The following SLIT3 variants were observed in gnomAD, a reference collection of about 807,000 sequenced individuals.
The protein encoded by SLIT3 is slit homolog 3 protein.
SLIT3 carries 68 observed loss-of-function variants against 184.0 expected under a neutral mutation model. The observed-to-expected ratio is 0.37, with a 90% CI of 0.30 to 0.45. The LOEUF (loss-of-function observed/expected upper bound fraction) is 0.45. Among genes scored for constraint, SLIT3 ranks in the 20% least tolerant of loss-of-function variants. SLIT3 has a pLI of 1.00. For synonymous variants in SLIT3, 831 were observed against 828.6 expected, an observed-to-expected ratio of 1.00 and a Z score of -0.05; for missense variants, 1,707 against 2,026.0, an observed-to-expected ratio of 0.84 and a Z score of 3.02.
At chr5:169,201,362 T>C (rs1763899164) in intron 3 of SLIT3, among the ~76,000 whole-genome samples, 1 of 152,198 alleles carries the variant, frequency 6.6e-6, no homozygotes, top group Admixed American at 6.5e-5. Context: ...AAAAATAACC[T>C]AAAGATTATT....
At chr5:168,783,562 A>C (rs1213574122) in intron 12 of SLIT3, among the ~76,000 whole-genome samples, 1 of 152,186 alleles carries the variant, frequency 6.6e-6, no homozygotes, top group Non-Finnish European at 1.5e-5. Context: ...GAGTACCCAT[A>C]ATTTGAGAGA....
chr5:169,017,664 G>A (rs1218583386), intron 4 of SLIT3, among the ~76,000 whole-genome samples: 1 of 152,184 alleles, frequency 6.6e-6, no homozygotes, highest in Non-Finnish European at 1.5e-5. Flanking sequence ...AGCAATGGAT[G>A]ACCTTGAAGG....
chr5:169,144,083 A>G (rs1361269771), intron 4 of SLIT3, among the ~76,000 whole-genome samples: 1 of 151,748 alleles, frequency 6.6e-6, no homozygotes, highest in African/African-American at 2.4e-5. Context: ...AGACAAGGGA[A>G]TACCATTTTT....
At chr5:169,071,470 C>T (rs1191805786) in intron 4 of SLIT3, among the ~76,000 whole-genome samples, 4 of 152,168 alleles carry the variant, frequency 2.6e-5, no homozygotes, top group Non-Finnish European at 4.4e-5. Context: ...GTTCATAAAA[C>T]ACTGATTACT....
At position 168,907,957 on chromosome 5, in the gene SLIT3, TATATATATATATATATATATATAG is replaced by T. The variant is rs1562000049; in HGVS notation, c.414-24645_414-24622del. On this transcript the variant is annotated intron_variant, in intron 4 of 35. Coordinates refer to ENST00000519560, the MANE Select transcript of SLIT3 (RefSeq NM_003062.4). ...TATATTATACGTGTATATATATATA[TATATATATATATATATATATATAG>T]AGAGAGAGAGAGAGAGAGAGAGAGA... is the stretch of plus-strand genomic sequence containing the variant. Among the ~76,000 whole-genome samples, 571 of 57,504 alleles carry T rather than the reference TATATATATATATATATATATATAG, an allele frequency of 9.9e-3. 1 individual carries two copies. The highest frequency in any genetic ancestry group is 0.016 in the Non-Finnish European group (421 of 26,612). The allele number at this position is 57,504 out of a possible 152,430, so 37.7% of individuals were successfully genotyped here.
At chr5:168,685,164 G>T (rs1472922236) in intron 31 of SLIT3, among the ~76,000 whole-genome samples, 1 of 152,150 alleles carries the variant, frequency 6.6e-6, no homozygotes, top group Admixed American at 6.5e-5. Flanking sequence ...GGCCAGGTTG[G>T]TCTTGAACTC....
chr5:168,904,046 A>G (rs1258874027), intron 4 of SLIT3, among the ~76,000 whole-genome samples: 1 of 151,978 alleles, frequency 6.6e-6, no homozygotes, highest in Non-Finnish European at 1.5e-5. Context: ...GGCATGAGGT[A>G]AATACCTTGT....
intron 4 of SLIT3, among the ~76,000 whole-genome samples, chr5:169,085,726 G>A (rs1162792419): frequency 6.6e-6 from 1 of 152,200 alleles, no homozygotes; most frequent in African/African-American, 2.4e-5. Flanking sequence ...CCAGAGACAT[G>A]CAATGCCTAC....
intron 23 of SLIT3, among the ~76,000 whole-genome samples, chr5:168,716,890 C>T (rs1283507095): frequency 1.2e-4 from 18 of 149,714 alleles, no homozygotes; most frequent in Admixed American, 4.0e-4. Context: ...AGAGGTGAGT[C>T]CCAGCCTTGG....
intron 4 of SLIT3, among the ~76,000 whole-genome samples, chr5:169,016,670 A>G (rs1336299116): frequency 6.6e-6 from 1 of 152,218 alleles, no homozygotes; most frequent in Non-Finnish European, 1.5e-5. Context: ...ATACAGATCA[A>G]CGACAGCACA....
intron 4 of SLIT3, among the ~76,000 whole-genome samples, chr5:169,093,495 C>T (rs2113209465): frequency 6.6e-6 from 1 of 152,224 alleles, no homozygotes; most frequent in South Asian, 2.1e-4. Context: ...GAGACAGAAG[C>T]TGATTGGCCC....
At chr5:168,738,979 C>T (rs1012222530) in intron 20 of SLIT3, among the ~76,000 whole-genome samples, 1 of 149,294 alleles carries the variant, frequency 6.7e-6, no homozygotes, top group African/African-American at 2.5e-5. Context: ...TATTTGTTGC[C>T]AATGATAAAT....
intron 27 of SLIT3, among the ~76,000 whole-genome samples, chr5:168,698,526 C>T (rs1762123801): frequency 6.6e-6 from 1 of 152,138 alleles, no homozygotes; most frequent in Admixed American, 6.5e-5. Flanking sequence ...CCTAGAGGCT[C>T]AGAGGGAGCA....
chr5:168,859,066 T>C (rs1261367276), intron 5 of SLIT3, among the ~76,000 whole-genome samples: 3 of 152,110 alleles, frequency 2.0e-5, no homozygotes, highest in Non-Finnish European at 1.5e-5. Context: ...ATCAGAAAGG[T>C]TGGATAATCA....
At chr5:168,962,311 A>AACACACACACACACAC (rs70979116) in intron 4 of SLIT3, among the ~76,000 whole-genome samples, 1 of 147,530 alleles carries the variant, frequency 6.8e-6, no homozygotes, top group Non-Finnish European at 1.5e-5. Context: ...CCCACCCCAC[A>AACACACACACACACAC]ACACACACAC....
intron 3 of SLIT3, among the ~76,000 whole-genome samples, chr5:169,204,638 C>T (rs933380252): frequency 6.6e-6 from 1 of 152,120 alleles, no homozygotes; most frequent in East Asian, 1.9e-4. Flanking sequence ...GGGCCAGAGA[C>T]GGGTCACCTG....
chr5:169,184,881 A>G (rs1448101075), intron 4 of SLIT3, among the ~76,000 whole-genome samples: 1 of 152,228 alleles, frequency 6.6e-6, no homozygotes, highest in Non-Finnish European at 1.5e-5. Flanking sequence ...GTTCAGATAC[A>G]TACTAAAGTT....
At chr5:168,843,155 T>C (rs1232567608) in intron 6 of SLIT3, among the ~76,000 whole-genome samples, 1 of 152,132 alleles carries the variant, frequency 6.6e-6, no homozygotes, top group African/African-American at 2.4e-5. Context: ...TTCTCGGCTT[T>C]CATCCGATTT....
chr5:169,258,665 C>T (rs1000834692), intron 1 of SLIT3, among the ~76,000 whole-genome samples: 3 of 152,222 alleles, frequency 2.0e-5, no homozygotes, highest in Non-Finnish European at 2.9e-5. Context: ...ATCTGTTTGA[C>T]ACCTTGGGTG....
Sources: allele counts gnomAD v4.1 joint callset (sites outside exome capture counted in the v4.1 genomes callset), GRCh38; gene constraint gnomAD v4.1.1; transcripts MANE v1.5; gene names NCBI Gene and HGNC (gene_info 2026-07-23, HGNC 2026-07-21).